The following HMCN1 variants were observed in gnomAD, a reference collection of about 807,000 sequenced individuals.
The protein encoded by HMCN1 is hemicentin 1.
A neutral mutation model predicts 625.9 loss-of-function variants in HMCN1; 321 were observed. The observed-to-expected ratio is 0.51, with a 90% CI of 0.47 to 0.56. The LOEUF (loss-of-function observed/expected upper bound fraction) is 0.56. Ranked by LOEUF, HMCN1 falls within the 20% of genes least tolerant of loss-of-function variation. The pLI is 0.00. For synonymous variants in HMCN1, 2,425 were observed against 2,417.6 expected, an observed-to-expected ratio of 1.00 and a Z score of -0.09; for missense variants, 6,588 against 6,887.3, an observed-to-expected ratio of 0.96 and a Z score of 1.54.
At chr1:185,996,044 C>T (rs1477832700) in intron 24 of HMCN1, among the ~76,000 whole-genome samples, 5 of 152,120 alleles carry the variant, frequency 3.3e-5, no homozygotes, top group Admixed American at 1.3e-4. Context: ...AGAAGTTTTC[C>T]TGTTCATTCC....
At chr1:186,160,752 G>A (rs1651405332) in intron 97 of HMCN1, among the ~76,000 whole-genome samples, 1 of 152,018 alleles carries the variant, frequency 6.6e-6, no homozygotes, top group Non-Finnish European at 1.5e-5. Context: ...TCTTAATCCT[G>A]AGTTCTAGTT....
At chr1:186,140,825 T>C (rs1649909815) in intron 89 of HMCN1, among the ~76,000 whole-genome samples, 1 of 152,208 alleles carries the variant, frequency 6.6e-6, no homozygotes, top group South Asian at 2.1e-4. Context: ...TCAGGTATTA[T>C]TCAATGGTTT....
At chr1:185,806,203 T>C (rs1659158404) in intron 1 of HMCN1, among the ~76,000 whole-genome samples, 1 of 152,030 alleles carries the variant, frequency 6.6e-6, no homozygotes, top group South Asian at 2.1e-4. Context: ...ATTTCATAGA[T>C]GAGGAAACTG....
chr1:186,088,246 A>G lies in HMCN1; in HGVS notation c.9547A>G (p.Ile3183Val). Residue 3183 changes from isoleucine (I) to valine (V), a missense_variant, in exon 62 of 107, where the codon ATA (isoleucine) becomes GTA (valine). Ile to Val is a conservative substitution (Grantham distance 29, BLOSUM62 3). Coordinates refer to ENST00000271588, the MANE Select transcript of HMCN1 (RefSeq NM_031935.3). Reference sequence around the variant, plus strand: ...TGCCACTGGGATCCCACCTCCCACGATAGCATGGTTAAAGAACCACAAGCG... The same window carrying G: ...TGCCACTGGGATCCCACCTCCCACGGTAGCATGGTTAAAGAACCACAAGCG... ...CDATGIPPPT[I>V]AWLKNHKRIE... 1.2e-6 allele frequency: 2 copies of G among 1,612,924 alleles called. No homozygotes were observed. Among genetic ancestry groups the G allele is most frequent in the Non-Finnish European group, 1.7e-6 (2 of 1,179,270 alleles).
intron 6 of HMCN1, among the ~76,000 whole-genome samples, chr1:185,920,291 T>C (rs1666939638): frequency 6.6e-6 from 1 of 152,172 alleles, no homozygotes; most frequent in African/African-American, 2.4e-5. Context: ...TTGTTTCCGT[T>C]ACCCTGGTTA....
At chr1:185,985,823 G>T (rs916542489) in intron 19 of HMCN1, among the ~76,000 whole-genome samples, 13 of 152,096 alleles carry the variant, frequency 8.5e-5, no homozygotes, top group African/African-American at 2.9e-4. Flanking sequence ...CTCATTAAAG[G>T]CTGTCAATCC....
chr1:185,800,168 G>T (rs1227273831), intron 1 of HMCN1, among the ~76,000 whole-genome samples: 3 of 152,216 alleles, frequency 2.0e-5, no homozygotes, highest in South Asian at 4.1e-4. Flanking sequence ...CTTGATCGTG[G>T]TGTCTCTCCC....
intron 1 of HMCN1, among the ~76,000 whole-genome samples, chr1:185,737,478 C>T (rs925930418): frequency 6.6e-6 from 1 of 152,088 alleles, no homozygotes; most frequent in African/African-American, 2.4e-5. Context: ...AATTGGCTGT[C>T]TTAGTGAGTG....
At chr1:185,810,972 A>G (rs1659479132) in intron 1 of HMCN1, among the ~76,000 whole-genome samples, 1 of 151,472 alleles carries the variant, frequency 6.6e-6, no homozygotes, top group Non-Finnish European at 1.5e-5. Context: ...CAACATCTGC[A>G]TTTGCTTATT....
intron 44 of HMCN1, among the ~76,000 whole-genome samples, chr1:186,054,780 A>G (rs1657203808): frequency 6.6e-6 from 1 of 151,992 alleles, no homozygotes; most frequent in African/African-American, 2.4e-5. Context: ...CATGGTCTCA[A>G]GATGGTAGCT....
chr1:186,101,020 T>C (rs966351615), intron 68 of HMCN1, among the ~76,000 whole-genome samples: 29 of 152,122 alleles, frequency 1.9e-4, no homozygotes, highest in Admixed American at 1.6e-3. Context: ...AGAATTGTCA[T>C]ATACCACTCC....
At chr1:186,156,571 A>G (rs1282974988) in intron 97 of HMCN1, among the ~76,000 whole-genome samples, 1 of 152,180 alleles carries the variant, frequency 6.6e-6, no homozygotes, top group African/African-American at 2.4e-5. Flanking sequence ...AAATTGGTTC[A>G]ACATTTCTGG....
intron 62 of HMCN1, 114 bp downstream of exon 62, chr1:186,088,390 A>T (rs1659651188): frequency 6.6e-7 from 1 of 1,522,826 alleles, no homozygotes; most frequent in Non-Finnish European, 9.0e-7. Flanking sequence ...TGTTTAGTTC[A>T]AGAAGGCTAA....
At chr1:186,019,866 G>T (rs1487618318) in intron 35 of HMCN1, among the ~76,000 whole-genome samples, 171 bp downstream of exon 35, 1 of 151,888 alleles carries the variant, frequency 6.6e-6, no homozygotes, top group Non-Finnish European at 1.5e-5. Flanking sequence ...ACAATATTTT[G>T]ATTTGAAGAA....
intron 1 of HMCN1, among the ~76,000 whole-genome samples, chr1:185,795,817 A>G (rs766410354): frequency 3.7e-4 from 56 of 152,210 alleles, no homozygotes; most frequent in Non-Finnish European, 6.2e-4. Flanking sequence ...AAGGCCAAGT[A>G]TCATGTCTCT....
intron 46 of HMCN1, among the ~76,000 whole-genome samples, chr1:186,059,219 G>A (rs1204193013): frequency 2.6e-5 from 4 of 151,984 alleles, no homozygotes; most frequent in Admixed American, 2.6e-4. Context: ...CTCAGTCTCT[G>A]TTGATCTTAA....
chr1:186,088,821 C>G (rs1659679825), intron 63 of HMCN1, 66 bp downstream of exon 63: 1 of 1,457,326 alleles, frequency 6.9e-7, no homozygotes, highest in Non-Finnish European at 9.4e-7. Context: ...ACAAAATAAT[C>G]TACATTTAAA....
chr1:186,009,421 G>A (rs1405751912), intron 30 of HMCN1, among the ~76,000 whole-genome samples: 2 of 152,004 alleles, frequency 1.3e-5, no homozygotes, highest in Non-Finnish European at 2.9e-5. Flanking sequence ...CTTTAGCAAT[G>A]CTCGCCTGCA....
At chr1:186,039,410 G>GCA (rs34723003) in intron 38 of HMCN1, among the ~76,000 whole-genome samples, 5,921 of 148,062 alleles carry the variant, frequency 0.04, 236 homozygotes, top group African/African-American at 0.11. Flanking sequence ...GTGTTCATGT[G>GCA]CACACACACA....
Sources: allele counts gnomAD v4.1 joint callset (sites outside exome capture counted in the v4.1 genomes callset), GRCh38; gene constraint gnomAD v4.1.1; transcripts MANE v1.5; gene names NCBI Gene and HGNC (gene_info 2026-07-23, HGNC 2026-07-21).